The following DIP2A variants were observed in gnomAD, a reference collection of about 807,000 sequenced individuals.
DIP2A encodes disco-interacting protein 2 homolog A.
A neutral mutation model predicts 177.4 loss-of-function variants in DIP2A; 85 were observed. The ratio of observed to expected loss-of-function variants is 0.48; its 90% CI spans 0.40 to 0.57. The LOEUF (loss-of-function observed/expected upper bound fraction) is 0.57. Among genes scored for constraint, DIP2A ranks in the 20% least tolerant of loss-of-function variants. The pLI is 0.00. For missense variants in DIP2A, 1,791 were observed against 2,100.2 expected (o/e 0.85, Z 2.88); for synonymous variants, 886 against 881.8 (o/e 1.00, Z -0.08).
At chr21:46,518,380 C>T (rs796775187) in intron 8 of DIP2A, among the ~76,000 whole-genome samples, 6 of 152,272 alleles carry the variant, frequency 3.9e-5, no homozygotes, top group African/African-American at 1.4e-4. Context: ...CCTACCTGCT[C>T]CCCATCATTA....
chr21:46,556,840 C>T lies in DIP2A; in HGVS notation c.3499-99C>T. ...AAATATGATGTTTGGTAGTTCGGAG[C>T]TATGGTCTAGCCATGTGAACAGCGG... On this transcript the variant is annotated intron_variant, in intron 29 of 37. Coordinates refer to ENST00000417564, the MANE Select transcript of DIP2A (RefSeq NM_015151.4). This position sits in a 1 kb window ranked among gnomAD's most constrained non-coding sequence, Gnocchi z 4.5. 1 of 1,086,926 alleles carries T rather than the reference C, an allele frequency of 9.2e-7. No individual in the cohort carries two copies. Among genetic ancestry groups the T allele is most frequent in the Non-Finnish European group, 1.3e-6 (1 of 781,872 alleles). The allele number at this position is 1,086,926 out of a possible 1,614,324, so 67.3% of individuals were successfully genotyped here. A position where few individuals can be genotyped will look rare whatever the true frequency, so the allele number is the denominator to read the frequency against.
intron 32 of DIP2A, 100 bp from the exon 33 acceptor site, chr21:46,560,622 C>A: frequency 6.7e-7 from 1 of 1,497,460 alleles, no homozygotes; most frequent in South Asian, 1.3e-5. Context: ...TCTTGGGTGT[C>A]CCCGGGGGCC....
Position 46,464,817 on chromosome 21 carries a change from C to CTTTTTTTTTTTTTTTTTTTT in DIP2A, c.91+5603_91+5622dup, listed in dbSNP as rs1168153777. On this transcript the variant is annotated intron_variant, in intron 1 of 37. Coordinates refer to ENST00000417564, the MANE Select transcript of DIP2A (RefSeq NM_015151.4). ...TCTTCCTTTTTCTTAATATTCATGT[C>CTTTTTTTTTTTTTTTTTTTT]TTTTTTTTTTTTTTTTTTTTTTTTT... is the stretch of plus-strand genomic sequence containing the variant. Among the ~76,000 whole-genome samples the CTTTTTTTTTTTTTTTTTTTT allele has an allele frequency of 6.9e-4, 51 of 73,438 alleles. 6 individuals are homozygous for CTTTTTTTTTTTTTTTTTTTT. The highest frequency in any genetic ancestry group is 1.5e-3 in the East Asian group (4 of 2,648). The allele number at this position is 73,438 out of a possible 152,430, so 48.2% of individuals were successfully genotyped here. A position where few individuals can be genotyped will look rare whatever the true frequency, so the allele number is the denominator to read the frequency against.
At chr21:46,579,521 T>G in the DIP2A span, among the ~76,000 whole-genome samples, 2 of 152,312 alleles carry the variant, frequency 1.3e-5, no homozygotes, top group South Asian at 4.1e-4. Flanking sequence ...CTCTTGGTTC[T>G]CTAGTTCTTT....
rs1378986403 is a variant in DIP2A at position 46,558,278 on chromosome 21, G to A, written c.3854G>A (p.Arg1285Gln). ...VRTCMVVAEE[R>Q]PRIALTQSFS... ...ACGTGCATGGTGGTCGCCGAGGAGC[G>A]GCCCAGGATTGCGCTGACCCAGTCC... The change falls in exon 32 of 38, where the codon CGG (arginine) becomes CAG (glutamine). Residue 1285 changes from arginine (R) to glutamine (Q), a missense_variant. Arg to Gln is a conservative substitution (Grantham distance 43, BLOSUM62 1). Transcript: ENST00000417564. The A allele has an allele frequency of 3.1e-6, 5 of 1,612,428 alleles. No homozygotes were observed. Among genetic ancestry groups the A allele is most frequent in the Admixed American group, 1.7e-5 (1 of 59,966 alleles).
At chr21:46,538,716 A>G (rs1438799817) in intron 16 of DIP2A, 114 bp downstream of exon 16, 1 of 1,401,142 alleles carries the variant, frequency 7.1e-7, no homozygotes, top group African/African-American at 1.4e-5. Context: ...TGTCATATAG[A>G]TACACATGTC....
chr21:46,495,129 C>T (rs1317533260), intron 3 of DIP2A, among the ~76,000 whole-genome samples: 1 of 152,086 alleles, frequency 6.6e-6, no homozygotes, highest in Non-Finnish European at 1.5e-5. Flanking sequence ...CTTCATCTCT[C>T]TCTCTCCCTC....
chr21:46,477,543 T>TTGTGTGTGTGTGTGTGTGTGTGTGTG lies in DIP2A; in HGVS notation c.92-7189_92-7188insGTGTGTGTGTGTGTGTGTGTGTGTGT, dbSNP rs1555874551. ...CTCCGCCTAAAATAAAAAAAAAGAT[T>TTGTGTGTGTGTGTGTGTGTGTGTGTG]TGTGTGTGTGTGTGTGTGTGTGTGT... On this transcript the variant is annotated intron_variant, in intron 1 of 37. Coordinates refer to ENST00000417564, the MANE Select transcript of DIP2A (RefSeq NM_015151.4). Among the ~76,000 whole-genome samples the TTGTGTGTGTGTGTGTGTGTGTGTGTG allele has an allele frequency of 5.6e-3, 488 of 87,094 alleles. 13 individuals carry two copies. Among genetic ancestry groups the TTGTGTGTGTGTGTGTGTGTGTGTGTG allele is most frequent in the African/African-American group, 0.019 (435 of 23,202 alleles). 57.1% of individuals were successfully genotyped at this position (87,094 alleles called of 152,430 possible). A position where few individuals can be genotyped will look rare whatever the true frequency, so the allele number is the denominator to read the frequency against.
chr21:46,511,720 A>T, intron 8 of DIP2A, 106 bp downstream of exon 8: 1 of 1,202,120 alleles, frequency 8.3e-7, no homozygotes, highest in Non-Finnish European at 1.1e-6. Flanking sequence ...AGAAACCAGC[A>T]CAGCTGGCAG....
chr21:46,549,748 C>T (rs1180740066), intron 21 of DIP2A, 23 bp from the exon 22 acceptor site: 2 of 1,612,236 alleles, frequency 1.2e-6, no homozygotes, highest in African/African-American at 1.3e-5. Context: ...GCCGTGTGGC[C>T]ATTTCCATGT....
chr21:46,477,569 ATTTC>A lies in DIP2A; in HGVS notation c.92-7184_92-7181del, dbSNP rs1243839904. ...TGTGTGTGTGTGTGTGTGTGTGTGT[ATTTC>A]TTTTTTTTTTTTTTTCTTGAGTCAG... On this transcript the variant is annotated intron_variant, in intron 1 of 37. Coordinates refer to ENST00000417564, the MANE Select transcript of DIP2A (RefSeq NM_015151.4). Among the ~76,000 whole-genome samples the A allele has an allele frequency of 6.7e-4, 48 of 71,878 alleles. 1 individual carries two copies. Among genetic ancestry groups the A allele is most frequent in the Non-Finnish European group, 8.0e-4 (31 of 38,672 alleles). 47.2% of individuals were successfully genotyped at this position (71,878 alleles called of 152,430 possible). A position where few individuals can be genotyped will look rare whatever the true frequency, so the allele number is the denominator to read the frequency against.
intron 8 of DIP2A, among the ~76,000 whole-genome samples, chr21:46,517,088 G>T (rs1601624455): frequency 2.0e-5 from 2 of 102,560 alleles, no homozygotes; most frequent in African/African-American, 7.4e-5. Context: ...TTTTGAGACA[G>T]AGTCTTGCTC....
chr21:46,546,171 C>G, intron 20 of DIP2A: 1 of 1,351,978 alleles, frequency 7.4e-7, no homozygotes, highest in South Asian at 2.0e-5. Context: ...GCACACAGGC[C>G]TGAGTCGGGG....
Position 46,551,690 on chromosome 21 carries a change from C to G in DIP2A, c.2896C>G (p.Gln966Glu), listed in dbSNP as rs1437971813. The G allele has an allele frequency of 1.9e-6, 3 of 1,613,988 alleles. No homozygotes were observed. Among genetic ancestry groups the G allele is most frequent in the Non-Finnish European group, 8.5e-7 (1 of 1,179,900 alleles). The change falls in exon 24 of 38, where the codon CAG (glutamine) becomes GAG (glutamate). Residue 966 changes from glutamine (Q) to glutamate (E), a missense_variant. Transcript: ENST00000417564. ...CCTGGTTGCTGGGAAGAGAATCGCT[C>G]AGGCTTCCGGGAGAGAGCTCGCCCA... ...GNLVAGKRIA[Q>E]ASGRELAHLE...
rs369735729 is a variant in DIP2A at position 46,546,042 on chromosome 21, C to T, written c.2394+81C>T. ...TAAGGGACACCTCGTTGCAGCCCCA[C>T]CCTTGTCCTGGCCGTTCCTGACCTC... On this transcript the variant is annotated intron_variant, in intron 20 of 37. Transcript: ENST00000417564. The T allele has an allele frequency of 3.1e-6, 5 of 1,601,046 alleles. No homozygotes were observed. The African/African-American group carries it at 4.0e-5, about 13-fold the overall frequency.
At chr21:46,581,600 C>T in the DIP2A span, among the ~76,000 whole-genome samples, 2 of 152,046 alleles carry the variant, frequency 1.3e-5, no homozygotes, top group South Asian at 2.1e-4. Context: ...TACCTTTGAT[C>T]TTTGAGGCTG....
intron 8 of DIP2A, among the ~76,000 whole-genome samples, chr21:46,524,131 AC>A (rs2058956994): frequency 6.6e-6 from 1 of 152,212 alleles, no homozygotes; most frequent in African/African-American, 2.4e-5. Context: ...TACATGCCTA[AC>A]CTTGTCACCC....
chr21:46,472,266 A>C (rs540858367), intron 1 of DIP2A, among the ~76,000 whole-genome samples: 10 of 152,322 alleles, frequency 6.6e-5, no homozygotes, highest in African/African-American at 2.4e-4. Context: ...TGGCACCTTG[A>C]TCTTGAGCTT....
chr21:46,485,190 A>G (rs945103076), intron 2 of DIP2A, among the ~76,000 whole-genome samples: 2 of 152,150 alleles, frequency 1.3e-5, no homozygotes, highest in African/African-American at 2.4e-5. Flanking sequence ...TTCTTCCCAC[A>G]TTAGATTGAT....
Sources: allele counts gnomAD v4.1 joint callset (sites outside exome capture counted in the v4.1 genomes callset), GRCh38; gene constraint gnomAD v4.1.1; non-coding constraint Gnocchi (gnomAD v3.1); transcripts MANE v1.5; gene names NCBI Gene and HGNC (gene_info 2026-07-23, HGNC 2026-07-21).